Variants in PLXNA4 observed in about 807,000 individuals in gnomAD.
The protein encoded by PLXNA4 is plexin A4.
Under a neutral mutation model 191.8 loss-of-function variants are expected in PLXNA4, and 44 were observed. The ratio of observed to expected loss-of-function variants is 0.23; its 90% CI spans 0.18 to 0.29. The LOEUF (loss-of-function observed/expected upper bound fraction) is 0.29, where lower values mean the gene tolerates loss of function less well. Among genes scored for constraint, PLXNA4 ranks in the 10% least tolerant of loss-of-function variants. The pLI is 1.00. For missense variants in PLXNA4, 1,800 were observed against 2,488.8 expected (o/e 0.72, Z 5.89); for synonymous variants, 1,082 against 1,009.5 (o/e 1.07, Z -1.36).
In PLXNA4 at chr7:132,463,146, C is replaced by A. The variant is rs561738823; in HGVS notation, c.1371+26146G>T. Among the ~76,000 whole-genome samples the A allele has an allele frequency of 1.4e-3, 213 of 152,172 alleles. 1 individual carries two copies. Among genetic ancestry groups the A allele is most frequent in the South Asian group, 0.013 (63 of 4,816 alleles). On this transcript the variant is annotated intron_variant, in intron 3 of 31. Coordinates refer to ENST00000321063, the MANE Select transcript of PLXNA4 (RefSeq NM_020911.2). ...GATTACAGGCGTGAGCCATCGCGCCCAGCCTGTAATAATTCTTAAAAACAA... is the reference window on the plus strand; with the variant it reads ...GATTACAGGCGTGAGCCATCGCGCCAAGCCTGTAATAATTCTTAAAAACAA...
intron 2 of PLXNA4, among the ~76,000 whole-genome samples, chr7:132,599,201 T>C (rs867970263): frequency 6.6e-6 from 1 of 152,242 alleles, no homozygotes; most frequent in South Asian, 2.1e-4. Flanking sequence ...ACTCCTCCTA[T>C]GATCTTTGCT....
At chr7:132,646,272 T>G (rs1274447110) in intron 1 of PLXNA4, among the ~76,000 whole-genome samples, 1 of 152,140 alleles carries the variant, frequency 6.6e-6, no homozygotes, top group African/African-American at 2.4e-5. Flanking sequence ...AGGATACAGC[T>G]GAAGGGCTGG....
chr7:132,132,425 CTGTTCTGTTCTGTTCTGTTCTGTTCTGT>C (rs1563048032), intron 31 of PLXNA4, among the ~76,000 whole-genome samples: 3 of 74,024 alleles, frequency 4.1e-5, no homozygotes, highest in Admixed American at 2.0e-4. Context: ...CTGTTCTGTT[CTGTTCTGTTCTGTTCTGTTCTGTTCTGT>C]TCTGTTCTGT....
intron 2 of PLXNA4, among the ~76,000 whole-genome samples, chr7:132,625,408 C>T (rs556100996): frequency 5.3e-5 from 8 of 152,312 alleles, no homozygotes; most frequent in African/African-American, 1.7e-4. Flanking sequence ...AGTTCATCTC[C>T]AATAAAACTG....
At chr7:132,592,617 A>G (rs1802622133) in intron 2 of PLXNA4, among the ~76,000 whole-genome samples, 1 of 151,858 alleles carries the variant, frequency 6.6e-6, no homozygotes, top group Admixed American at 6.6e-5. Context: ...GCTCCCTTTA[A>G]ACGAGCTGCC....
chr7:132,201,639 G>A (rs969267169), intron 12 of PLXNA4, among the ~76,000 whole-genome samples: 4 of 152,200 alleles, frequency 2.6e-5, no homozygotes, highest in African/African-American at 4.8e-5. Context: ...CCCTGAGCTG[G>A]AGGCACAGAT....
At chr7:132,311,391 T>C (rs1247526175) in intron 3 of PLXNA4, among the ~76,000 whole-genome samples, 1 of 152,128 alleles carries the variant, frequency 6.6e-6, no homozygotes, top group Non-Finnish European at 1.5e-5. Context: ...CATGGGGTCA[T>C]GAGCGCTCAC....
intron 2 of PLXNA4, among the ~76,000 whole-genome samples, chr7:132,641,295 A>G (rs1279339585): frequency 2.6e-5 from 4 of 152,206 alleles, no homozygotes; most frequent in African/African-American, 9.6e-5. Context: ...CTGGGGAATG[A>G]AGTTCAAGAT....
At chr7:132,239,052 C>G (rs1393651841) in intron 5 of PLXNA4, among the ~76,000 whole-genome samples, 1 of 152,224 alleles carries the variant, frequency 6.6e-6, no homozygotes, top group Non-Finnish European at 1.5e-5. Context: ...AAATTCATGT[C>G]CATGGCTGTT....
At chr7:132,605,563 G>T (rs1481328750) in intron 2 of PLXNA4, among the ~76,000 whole-genome samples, 1 of 152,088 alleles carries the variant, frequency 6.6e-6, no homozygotes, top group Non-Finnish European at 1.5e-5. Context: ...GGCCAATTCT[G>T]GGGACACAGA....
At chr7:132,231,671 C>G (rs1798526806) in intron 5 of PLXNA4, among the ~76,000 whole-genome samples, 1 of 152,224 alleles carries the variant, frequency 6.6e-6, no homozygotes, top group Non-Finnish European at 1.5e-5. Flanking sequence ...GCAATCCACT[C>G]ATCTCGGCCT....
intron 2 of PLXNA4, among the ~76,000 whole-genome samples, chr7:132,624,744 A>G (rs1803336826): frequency 6.6e-6 from 1 of 152,160 alleles, no homozygotes. Context: ...CAGCCCCACC[A>G]GCAAATTTTG....
intron 12 of PLXNA4, among the ~76,000 whole-genome samples, chr7:132,202,305 C>G (rs945752832): frequency 6.6e-6 from 1 of 152,164 alleles, no homozygotes; most frequent in Non-Finnish European, 1.5e-5. Flanking sequence ...GGTGAGGATG[C>G]CAAAGGTGGA....
At chr7:132,231,430 A>G (rs1205729468) in intron 5 of PLXNA4, among the ~76,000 whole-genome samples, 2 of 151,946 alleles carry the variant, frequency 1.3e-5, no homozygotes, top group African/African-American at 2.4e-5. Context: ...AGTGTTTTTT[A>G]TTTTTATTTT....
intron 2 of PLXNA4, among the ~76,000 whole-genome samples, chr7:132,608,501 A>T (rs537630575): frequency 1.1e-4 from 17 of 152,270 alleles, no homozygotes; most frequent in African/African-American, 4.1e-4. Context: ...CATTACAGTG[A>T]AAGTGCTCTC....
intron 3 of PLXNA4, among the ~76,000 whole-genome samples, chr7:132,476,917 G>A (rs1356871810): frequency 3.3e-5 from 5 of 151,980 alleles, no homozygotes; most frequent in African/African-American, 1.2e-4. Context: ...TGAAAGAAAA[G>A]GAATAATTTC....
At chr7:132,547,692 A>G (rs1175452102) in intron 1 of PLXNA4, among the ~76,000 whole-genome samples, 1 of 152,176 alleles carries the variant, frequency 6.6e-6, no homozygotes, top group Non-Finnish European at 1.5e-5. Context: ...CCAGAACCAC[A>G]GAGAAAACAG....
At chr7:132,512,640 C>A (rs1175973139) in intron 1 of PLXNA4, among the ~76,000 whole-genome samples, 8 of 152,122 alleles carry the variant, frequency 5.3e-5, no homozygotes, top group Admixed American at 3.9e-4. Context: ...CACCAAAGAC[C>A]CCACCAGGAA....
intron 4 of PLXNA4, among the ~76,000 whole-genome samples, chr7:132,268,437 T>C (rs998314759): frequency 1.3e-5 from 2 of 152,256 alleles, no homozygotes; most frequent in African/African-American, 4.8e-5. Context: ...TGTGCAATTC[T>C]TTATTTTACC....
Sources: allele counts gnomAD v4.1 joint callset (sites outside exome capture counted in the v4.1 genomes callset), GRCh38; gene constraint gnomAD v4.1.1; transcripts MANE v1.5; gene names NCBI Gene and HGNC (gene_info 2026-07-23, HGNC 2026-07-21).